The following SLC75A1 variants were observed in gnomAD, a reference collection of about 807,000 sequenced individuals.
SLC75A1 encodes major facilitator superfamily domain containing 10.
At chr4:2,932,334 C>G in the SLC75A1 span, 1 of 1,608,792 alleles carries the variant, frequency 6.2e-7, no homozygotes, top group African/African-American at 1.3e-5. Flanking sequence ...CCTGTGGGTC[C>G]CAGACCACAG....
At chr4:2,933,087 C>A in the SLC75A1 span, 5 of 1,610,058 alleles carry the variant, frequency 3.1e-6, no homozygotes, top group Non-Finnish European at 4.2e-6. Context: ...CCCATGGGCA[C>A]CCAGGCCCAG....
the SLC75A1 span, chr4:2,932,368 G>C: frequency 9.9e-6 from 16 of 1,613,352 alleles, no homozygotes; most frequent in African/African-American, 1.6e-4. Flanking sequence ...TCCAGGGGCA[G>C]CGTCTCTGGC....
chr4:2,933,516 A>G, the SLC75A1 span: 1 of 1,588,716 alleles, frequency 6.3e-7, no homozygotes, highest in South Asian at 1.1e-5. Flanking sequence ...GACCACGTCC[A>G]CCAAACATAG....
chr4:2,932,415 A>G, the SLC75A1 span: 1 of 1,613,668 alleles, frequency 6.2e-7, no homozygotes, highest in Non-Finnish European at 8.5e-7. Flanking sequence ...GGAGGCTGCG[A>G]AGAGCAGGGC....
At chr4:2,934,053 G>A in the SLC75A1 span, 5 of 1,024,980 alleles carry the variant, frequency 4.9e-6, no homozygotes, top group South Asian at 6.5e-5. Context: ...TGATGGCAGG[G>A]GCTCTGGCCT....
At chr4:2,934,820 C>G in the SLC75A1 span, 1 of 150,782 alleles carries the variant, frequency 6.6e-6, no homozygotes, top group Non-Finnish European at 1.5e-5. Flanking sequence ...CGGAACAGGG[C>G]ACCAGGCACG....
chr4:2,933,891 C>A, the SLC75A1 span: 4 of 1,575,698 alleles, frequency 2.5e-6, no homozygotes, highest in African/African-American at 2.7e-5. Context: ...TGGGTGGGCG[C>A]GGGGTGCAGC....
At chr4:2,932,983 G>T in the SLC75A1 span, 3 of 1,065,674 alleles carry the variant, frequency 2.8e-6, no homozygotes, top group Non-Finnish European at 4.0e-6. Flanking sequence ...TCCAGGATGC[G>T]ATGAGGGCCA....
the SLC75A1 span, chr4:2,934,806 G>A: frequency 2.0e-5 from 3 of 149,628 alleles, no homozygotes; most frequent in Non-Finnish European, 4.5e-5. Flanking sequence ...CGGTCGCACA[G>A]ACGCGGAACA....
chr4:2,933,305 C>T, the SLC75A1 span: 2 of 1,247,432 alleles, frequency 1.6e-6, no homozygotes, highest in Non-Finnish European at 2.3e-6. Context: ...CCTGAGGGTC[C>T]AGTCATGCTG....
the SLC75A1 span, chr4:2,933,097 G>A: frequency 6.2e-7 from 1 of 1,612,570 alleles, no homozygotes; most frequent in South Asian, 1.1e-5. Flanking sequence ...CCCAGGCCCA[G>A]GAACATACCA....
chr4:2,931,704 C>T, the SLC75A1 span: 3 of 1,583,852 alleles, frequency 1.9e-6, no homozygotes, highest in African/African-American at 4.0e-5. Flanking sequence ...CGGGGCAGGG[C>T]CACCCAGGGC....
At chr4:2,931,072 A>ACCAGGGGC in the SLC75A1 span, 2 of 1,603,784 alleles carry the variant, frequency 1.2e-6, no homozygotes, top group Non-Finnish European at 1.7e-6. Flanking sequence ...TGAAGCGGCC[A>ACCAGGGGC]CCAGGGGCCC....
chr4:2,934,729 T>C, the SLC75A1 span: 34 of 20,064 alleles, frequency 1.7e-3, 1 homozygote, highest in Admixed American at 0.015. Context: ...GAGCGCCCCC[T>C]ACGCCCCCCA....
the SLC75A1 span, chr4:2,933,094 CCAGGAA>C: frequency 6.2e-7 from 1 of 1,612,780 alleles, no homozygotes; most frequent in African/African-American, 1.3e-5. Context: ...GCACCCAGGC[CCAGGAA>C]CATACCAGGC....
chr4:2,931,867 T>C, the SLC75A1 span: 1 of 1,610,558 alleles, frequency 6.2e-7, no homozygotes, highest in Non-Finnish European at 8.5e-7. Flanking sequence ...GCTCAGCGTG[T>C]ACTCCAGGCC....
At chr4:2,934,222 C>T in the SLC75A1 span, 1 of 395,922 alleles carries the variant, frequency 2.5e-6, no homozygotes, top group Non-Finnish European at 4.6e-6. Flanking sequence ...CCCCACCCCA[C>T]GGCCGCGCCT....
At chr4:2,932,046 G>A in the SLC75A1 span, 32 of 1,610,828 alleles carry the variant, frequency 2.0e-5, no homozygotes, top group African/African-American at 4.0e-5. Flanking sequence ...AGTCCTTACT[G>A]TCTCCAGAGG....
chr4:2,933,067 A>T, the SLC75A1 span: 1 of 1,590,244 alleles, frequency 6.3e-7, no homozygotes, highest in East Asian at 2.2e-5. Flanking sequence ...GCTGGGTGGG[A>T]GGAGGCTTCC....
Sources: allele counts gnomAD v4.1 joint callset, GRCh38; gene constraint gnomAD v4.1.1; transcripts MANE v1.5; gene names NCBI Gene and HGNC (gene_info 2026-07-23, HGNC 2026-07-21).